The following PHACTR2 variants were observed in gnomAD, a reference collection of about 807,000 sequenced individuals.
The protein encoded by PHACTR2 is chromosome 6 open reading frame 56.
A neutral mutation model predicts 76.0 loss-of-function variants in PHACTR2; 30 were observed. The ratio of observed to expected loss-of-function variants is 0.39; its 90% confidence interval spans 0.30 to 0.54. The LOEUF is 0.54. Among genes scored for constraint, PHACTR2 ranks in the 20% least tolerant of loss-of-function variants. PHACTR2 has a pLI of 0.61. For missense variants in PHACTR2, 696 were observed against 781.1 expected, an observed-to-expected ratio of 0.89 and a Z score of 1.30; for synonymous variants, 292 against 292.5, an observed-to-expected ratio of 1.00 and a Z score of 0.02.
Position 143,818,848 on chromosome 6 carries a change from G to A in PHACTR2, c.1923-4826G>A, listed in dbSNP as rs150856991. On this transcript the variant is annotated intron_variant, in intron 12 of 12. Coordinates refer to ENST00000440869, the MANE Select transcript of PHACTR2 (RefSeq NM_001100164.2). The surrounding 1 kb of genome is among the most constrained non-coding windows in gnomAD (Gnocchi z 4.9). Reference sequence around the variant, plus strand: ...TTACAATTCAAGGTGAGGTTTCGGAGGGAACACAGCCAAACCATATCAATT... The same window carrying A: ...TTACAATTCAAGGTGAGGTTTCGGAAGGAACACAGCCAAACCATATCAATT... 4.1e-4 allele frequency among the ~76,000 whole-genome samples: 63 copies of A among 152,264 alleles called. No homozygotes were observed. Among genetic ancestry groups the A allele is most frequent in the African/African-American group, 1.3e-3 (56 of 41,558 alleles).
rs568816259 is a variant in PHACTR2 at position 143,750,165 on chromosome 6, A to T, written c.295+1100A>T. 3.8e-4 allele frequency among the ~76,000 whole-genome samples: 58 copies of T among 152,292 alleles called. No homozygotes were observed. The highest frequency in any genetic ancestry group is 7.5e-4 in the Non-Finnish European group (51 of 68,006). On this transcript the variant is annotated intron_variant, in intron 3 of 12. Transcript: ENST00000440869. This position sits in a 1 kb window ranked among gnomAD's most constrained non-coding sequence, Gnocchi z 4.6. The stretch of plus-strand genomic sequence containing the variant: ...ATTCAAAGAAAGTAGGGAACTCTGC[A>T]GTGAATAGTAGCATTTTCTTAAGCC...
At chr6:143,692,747 G>A (rs1210537492) in intron 1 of PHACTR2, among the ~76,000 whole-genome samples, 1 of 152,194 alleles carries the variant, frequency 6.6e-6, no homozygotes, top group East Asian at 1.9e-4. Context: ...TGGAGGTGAG[G>A]TTGAAAGCTG....
In PHACTR2 at chr6:143,800,681, T is replaced by C. The variant is rs555572952; in HGVS notation, c.1846-6376T>C. 6.6e-6 allele frequency among the ~76,000 whole-genome samples: 1 copy of C among 152,334 alleles called. No homozygotes were observed. Among genetic ancestry groups the C allele is most frequent in the African/African-American group, 2.4e-5 (1 of 41,570 alleles). Reference sequence around the variant, plus strand: ...CAATCTGTGTCTTTTAATTGGGGCATTTAGCCCATTTACATTTAAGGTTAA... The same window carrying C: ...CAATCTGTGTCTTTTAATTGGGGCACTTAGCCCATTTACATTTAAGGTTAA... On this transcript the variant is annotated intron_variant, in intron 11 of 12. Transcript: ENST00000440869. The surrounding 1 kb of genome is among the most constrained non-coding windows in gnomAD (Gnocchi z 4.8).
Position 143,621,087 on chromosome 6 carries a change from A to G in PHACTR2, c.13+12765A>G, listed in dbSNP as rs143111674. Among the ~76,000 whole-genome samples the G allele has an allele frequency of 1.4e-4, 22 of 152,350 alleles. No individual in the cohort carries two copies. In the East Asian group the frequency reaches 4.2e-3, roughly 29 times the overall value. On this transcript the variant is annotated intron_variant, in intron 1 of 11. Coordinates refer to the PHACTR2 transcript ENST00000305766. This position sits in a 1 kb window ranked among gnomAD's most constrained non-coding sequence, Gnocchi z 4.1. ...GACAGTGCAAACCTCCAGGAAAAGAACAAGAGCAGGATCATTAAAGAAGCC... is the reference window on the plus strand; with the variant it reads ...GACAGTGCAAACCTCCAGGAAAAGAGCAAGAGCAGGATCATTAAAGAAGCC...
rs2128433198 is a variant in PHACTR2, at chr6:143,581,999, G to A, written c.217+44792G>A. Among the ~76,000 whole-genome samples the A allele has an allele frequency of 6.6e-6, 1 of 152,204 alleles. No homozygotes were observed. The highest frequency in any genetic ancestry group is 1.9e-4 in the East Asian group (1 of 5,178). On this transcript the variant is annotated intron_variant, in intron 1 of 11. Transcript: ENST00000367584. This position sits in a 1 kb window ranked among gnomAD's most constrained non-coding sequence, Gnocchi z 4.5. Reference sequence around the variant, plus strand: ...GCCTAAGTGAGTCACATAAACCCTGGACAAAAGGCTGTACCGTCAATATGA... The same window carrying A: ...GCCTAAGTGAGTCACATAAACCCTGAACAAAAGGCTGTACCGTCAATATGA...
At chr6:143,606,602 C>T (rs1267000497), upstream of PHACTR2, among the ~76,000 whole-genome samples, 5 of 152,152 alleles carry the variant, frequency 3.3e-5, no homozygotes, top group Admixed American at 6.5e-5. Context: ...GATGATGTAT[C>T]TTCTCTCTCT....
rs2128470842 is a variant in PHACTR2, at chr6:143,754,507, G to A, written c.454+595G>A. 6.6e-6 allele frequency among the ~76,000 whole-genome samples: 1 copy of A among 152,302 alleles called. No homozygotes were observed. Among genetic ancestry groups the A allele is most frequent in the Middle Eastern group, 3.4e-3 (1 of 294 alleles). On this transcript the variant is annotated intron_variant, in intron 4 of 12. Coordinates refer to ENST00000440869, the MANE Select transcript of PHACTR2 (RefSeq NM_001100164.2). The surrounding 1 kb of genome is among the most constrained non-coding windows in gnomAD (Gnocchi z 6.2). ...TCTGTGCAATTGGAAACTTCAAAAT[G>A]TGCCAGAGGCGATTATGCTATTCCC... is the stretch of plus-strand genomic sequence containing the variant.
rs573597400 is a variant in PHACTR2, at chr6:143,816,670, A to G, written c.1923-7004A>G. Among the ~76,000 whole-genome samples the G allele has an allele frequency of 2.0e-5, 3 of 152,090 alleles. No individual in the cohort carries two copies. The highest frequency in any genetic ancestry group is 4.4e-5 in the Non-Finnish European group (3 of 68,024). ...TCACTGTGTACTGCGATCCATGGGC[A>G]AATGGTGTGTGCAGGAAAAAAAAAA... On this transcript the variant is annotated intron_variant, in intron 12 of 12. Coordinates refer to ENST00000440869, the MANE Select transcript of PHACTR2 (RefSeq NM_001100164.2). The surrounding 1 kb of genome is among the most constrained non-coding windows in gnomAD (Gnocchi z 4.5).
chr6:143,678,354 C>G lies in PHACTR2; in HGVS notation c.46+145C>G. ...GGAGAAACCCCAGAGGTAGCGCTCG[C>G]CAAACTCTTTGTCGTGAAAGAGGAA... On this transcript the variant is annotated intron_variant, in intron 1 of 12. Coordinates refer to ENST00000440869, the MANE Select transcript of PHACTR2 (RefSeq NM_001100164.2). The surrounding 1 kb of genome is among the most constrained non-coding windows in gnomAD (Gnocchi z 6.2). 1.5e-6 allele frequency: 1 copy of G among 685,438 alleles called. No individual in the cohort carries two copies. The highest frequency in any genetic ancestry group is 2.2e-6 in the Non-Finnish European group (1 of 461,208). 42.5% of individuals were successfully genotyped at this position (685,438 alleles called of 1,614,324 possible). A position where few individuals can be genotyped will look rare whatever the true frequency, so the allele number is the denominator to read the frequency against.
chr6:143,545,847 C>T (rs938080729), intron 1 of PHACTR2, among the ~76,000 whole-genome samples: 5 of 152,240 alleles, frequency 3.3e-5, no homozygotes, highest in African/African-American at 1.2e-4. Flanking sequence ...TTTTAAGGCC[C>T]CAGTCAATGG....
rs1236871596 is a variant in PHACTR2, at chr6:143,700,488, G to A, written c.47-11528G>A. Among the ~76,000 whole-genome samples, 2 of 152,180 alleles carry A rather than the reference G, an allele frequency of 1.3e-5. No individual in the cohort carries two copies. The highest frequency in any genetic ancestry group is 2.9e-5 in the Non-Finnish European group (2 of 68,024). ...GAGAATCACTTGGACCCAGGAGCCG[G>A]AGGTTGCAGTGAGCTGAGATCTCAC... On this transcript the variant is annotated intron_variant, in intron 1 of 12. Transcript: ENST00000440869. This position sits in a 1 kb window ranked among gnomAD's most constrained non-coding sequence, Gnocchi z 4.1.
At chr6:143,798,835 G>T (rs1442294461) in intron 11 of PHACTR2, among the ~76,000 whole-genome samples, 1 of 152,158 alleles carries the variant, frequency 6.6e-6, no homozygotes, top group Non-Finnish European at 1.5e-5. Context: ...GGGGATATTG[G>T]CCTAAAATTC....
chr6:143,558,920 C>G lies in PHACTR2; in HGVS notation c.217+21713C>G, dbSNP rs891556737. 6.6e-6 allele frequency among the ~76,000 whole-genome samples: 1 copy of G among 152,178 alleles called. No individual in the cohort carries two copies. Among genetic ancestry groups the G allele is most frequent in the Admixed American group, 6.5e-5 (1 of 15,270 alleles). On this transcript the variant is annotated intron_variant, in intron 1 of 11. Transcript: ENST00000367584. The surrounding 1 kb of genome is among the most constrained non-coding windows in gnomAD (Gnocchi z 4.7). The stretch of plus-strand genomic sequence containing the variant: ...TGAAATGCATGTGTATGGCTTAGGC[C>G]TCTCCCATCCCCACTCCCTGGGAGA...
Position 143,772,395 on chromosome 6 carries a change from A to T in PHACTR2, c.1370A>T (p.Asp457Val), listed in dbSNP as rs775333138. 17 of 1,614,172 alleles carry T rather than the reference A, an allele frequency of 1.1e-5. No individual in the cohort carries two copies. The Admixed American group carries it at 2.8e-4, about 27-fold the overall frequency. ...REYQANDSDS[D>V]GPILYTDDED... ...TACCAAGCCAATGACTCTGACTCGGACGGGCCTATCTTGTACACCGATGAT... is the reference window on the plus strand; with the variant it reads ...TACCAAGCCAATGACTCTGACTCGGTCGGGCCTATCTTGTACACCGATGAT... Residue 457 changes from aspartate (D) to valine (V), a missense_variant, in exon 7 of 13, where the codon GAC (aspartate) becomes GTC (valine). By Grantham distance (152) the Asp-to-Val change is radical. Coordinates refer to ENST00000440869, the MANE Select transcript of PHACTR2 (RefSeq NM_001100164.2). This position sits in a 1 kb window ranked among gnomAD's most constrained non-coding sequence, Gnocchi z 5.4.
At position 143,558,544 on chromosome 6, in the gene PHACTR2, T is replaced by C. The variant is rs1041174740; in HGVS notation, c.217+21337T>C. On this transcript the variant is annotated intron_variant, in intron 1 of 11. Transcript: ENST00000367584. The surrounding 1 kb of genome is among the most constrained non-coding windows in gnomAD (Gnocchi z 4.7). Reference sequence around the variant, plus strand: ...AAATTAACTGTTTCCATGTCCATTTTCATTTTTTAGGCTACATGGTGGGGA... The same window carrying C: ...AAATTAACTGTTTCCATGTCCATTTCCATTTTTTAGGCTACATGGTGGGGA... Among the ~76,000 whole-genome samples, 1 of 152,240 alleles carries C rather than the reference T, an allele frequency of 6.6e-6. No individual in the cohort carries two copies. The highest frequency in any genetic ancestry group is 1.5e-5 in the Non-Finnish European group (1 of 68,052).
rs1467588376 is a variant in PHACTR2, at chr6:143,655,583, G to A, written c.13+47261G>A. Among the ~76,000 whole-genome samples the A allele has an allele frequency of 2.0e-5, 3 of 152,116 alleles. No homozygotes were observed. The East Asian group carries it at 5.8e-4, about 29-fold the overall frequency. On this transcript the variant is annotated intron_variant, in intron 1 of 11. Coordinates refer to the PHACTR2 transcript ENST00000305766. ...TTTCTGCATTTTTAATACTTTCTTT[G>A]ACTTCACTTGCTTTCTCAGATGTTT...
chr6:143,580,349 G>A lies in PHACTR2; in HGVS notation c.217+43142G>A, dbSNP rs535985159. 3.9e-5 allele frequency among the ~76,000 whole-genome samples: 6 copies of A among 152,302 alleles called. No individual in the cohort carries two copies. The highest frequency in any genetic ancestry group is 3.9e-4 in the East Asian group (2 of 5,174). On this transcript the variant is annotated intron_variant, in intron 1 of 11. Transcript: ENST00000367584. The surrounding 1 kb of genome is among the most constrained non-coding windows in gnomAD (Gnocchi z 4.2). ...AAATACAAAAAATTAGCCCGGCTTG[G>A]TGGCGGGCGCCTGTAGTCCCAGCTA...
intron 1 of PHACTR2, among the ~76,000 whole-genome samples, chr6:143,575,778 G>GTTTTTTTTT (rs1775499344): frequency 6.6e-6 from 1 of 151,902 alleles, no homozygotes; most frequent in African/African-American, 2.4e-5. Context: ...TTATTGAACC[G>GTTTTTTTTT]TTTTGTTAAG....
rs918633788 is a variant in PHACTR2, at chr6:143,775,671, G to A, written c.1589+1456G>A. On this transcript the variant is annotated intron_variant, in intron 8 of 12. Transcript: ENST00000440869. The surrounding 1 kb of genome is among the most constrained non-coding windows in gnomAD (Gnocchi z 4.4). The stretch of plus-strand genomic sequence containing the variant: ...GAGAGTATATGCTTCTAGGTTTTCT[G>A]ATTGTTTTATTACTCTTGTTTATGT... Among the ~76,000 whole-genome samples, 8 of 152,142 alleles carry A rather than the reference G, an allele frequency of 5.3e-5. No individual in the cohort carries two copies. Among genetic ancestry groups the A allele is most frequent in the African/African-American group, 7.2e-5 (3 of 41,426 alleles).
Sources: allele counts gnomAD v4.1 joint callset (sites outside exome capture counted in the v4.1 genomes callset), GRCh38; gene constraint gnomAD v4.1.1; non-coding constraint Gnocchi (gnomAD v3.1); transcripts MANE v1.5; gene names NCBI Gene and HGNC (gene_info 2026-07-23, HGNC 2026-07-21).